Variants in SLC38A6 observed in about 807,000 individuals in gnomAD.
SLC38A6 encodes the protein solute carrier family 38 member 6.
In SLC38A6, 73 loss-of-function variants were observed where a neutral mutation model predicts 65.0. That is an observed-to-expected ratio of 1.12 (90% CI 0.93 to 1.37). The LOEUF (loss-of-function observed/expected upper bound fraction) is 1.37. Among genes scored for constraint, SLC38A6 ranks in the 40% most tolerant of loss-of-function variants. The pLI is 0.00. For synonymous variants in SLC38A6, 183 were observed against 178.8 expected, an observed-to-expected ratio of 1.02 and a Z score of -0.19; for missense variants, 561 against 531.1, an observed-to-expected ratio of 1.06 and a Z score of -0.55.
intron 3 of SLC38A6, among the ~76,000 whole-genome samples, chr14:60,995,150 T>G (rs1410522111): frequency 6.6e-6 from 1 of 152,090 alleles, no homozygotes; most frequent in East Asian, 1.9e-4. Flanking sequence ...GGAAATGAAA[T>G]TGGTACCTTG....
chr14:61,012,017 CT>C (rs548465690), intron 3 of SLC38A6, among the ~76,000 whole-genome samples: 1 of 152,114 alleles, frequency 6.6e-6, no homozygotes, highest in South Asian at 2.1e-4. Flanking sequence ...TGGTCCTGGA[CT>C]TTTTTTGGTT....
intron 3 of SLC38A6, among the ~76,000 whole-genome samples, chr14:60,995,003 C>CAAAAAAAAAAAAAAAAAAA: frequency 1.4e-5 from 1 of 73,162 alleles, no homozygotes; most frequent in Non-Finnish European, 2.9e-5. Context: ...GACTCCATCT[C>CAAAAAAAAAAAAAAAAAAA]AAAAAAAAAA....
intron 5 of SLC38A6, among the ~76,000 whole-genome samples, chr14:61,030,236 T>C (rs1382050095): frequency 6.6e-6 from 1 of 151,182 alleles, no homozygotes; most frequent in Non-Finnish European, 1.5e-5. Context: ...AACTTAACAA[T>C]TGTTATTCTT....
intron 6 of SLC38A6, among the ~76,000 whole-genome samples, chr14:61,032,526 CAT>C (rs982917914): frequency 2.0e-5 from 3 of 151,794 alleles, no homozygotes; most frequent in Admixed American, 6.6e-5. Flanking sequence ...GTTATTTTTA[CAT>C]GTTAGAAATA....
At chr14:61,046,280 C>G (rs890055102) in intron 12 of SLC38A6, 113 bp downstream of exon 12, 1 of 661,468 alleles carries the variant, frequency 1.5e-6, no homozygotes, top group Non-Finnish European at 2.6e-6. Flanking sequence ...GCTCAGATCA[C>G]CAAATTACAA....
chr14:61,082,967 G>A (rs755607751), intron 16 of SLC38A6, among the ~76,000 whole-genome samples: 7 of 152,140 alleles, frequency 4.6e-5, no homozygotes, highest in South Asian at 2.1e-4. Context: ...GAACATATCC[G>A]GGAATAATTG....
intron 3 of SLC38A6, among the ~76,000 whole-genome samples, chr14:61,012,060 A>C (rs191929003): frequency 0.013 from 1,920 of 152,126 alleles, 32 homozygotes; most frequent in Non-Finnish European, 0.015. Context: ...TCAATTTCAG[A>C]GCCTGTTATT....
At chr14:61,078,086 G>A (rs2043490031) in intron 15 of SLC38A6, among the ~76,000 whole-genome samples, 6 of 152,172 alleles carry the variant, frequency 3.9e-5, no homozygotes, top group Admixed American at 2.0e-4. Flanking sequence ...TACCTGGGAC[G>A]GTAATACCCT....
chr14:61,019,459 A>T, intron 4 of SLC38A6, 82 bp from the exon 5 acceptor site: 1 of 1,414,024 alleles, frequency 7.1e-7, no homozygotes, highest in Non-Finnish European at 9.8e-7. Context: ...TTTTTTAGTA[A>T]TAGTTACTGG....
At chr14:61,076,580 T>C (rs1457984274) in intron 15 of SLC38A6, among the ~76,000 whole-genome samples, 1 of 152,250 alleles carries the variant, frequency 6.6e-6, no homozygotes, top group East Asian at 1.9e-4. Flanking sequence ...TTAATTACCA[T>C]GTAAATAAAG....
chr14:60,984,922 G>A (rs1268556430), intron 3 of SLC38A6, 119 bp downstream of exon 3: 3 of 959,456 alleles, frequency 3.1e-6, no homozygotes, highest in Non-Finnish European at 4.8e-6. Context: ...ATTAGATAGG[G>A]TGATCGGAAT....
chr14:61,028,813 T>TA (rs571815820), intron 5 of SLC38A6, among the ~76,000 whole-genome samples: 8 of 152,040 alleles, frequency 5.3e-5, no homozygotes, highest in Non-Finnish European at 7.4e-5. Context: ...GTTATTTTAC[T>TA]AAAAAAAATT....
intron 16 of SLC38A6, among the ~76,000 whole-genome samples, chr14:61,080,880 C>T (rs1236992465): frequency 4.6e-5 from 7 of 152,196 alleles, no homozygotes; most frequent in African/African-American, 1.7e-4. Flanking sequence ...ATTTAAGGCT[C>T]ATTTACACAT....
rs758459482 is a variant in SLC38A6, at chr14:61,046,168, G to A, written c.925+1G>A. 2 of 1,558,950 alleles carry A rather than the reference G, an allele frequency of 1.3e-6. No individual in the cohort carries two copies. The highest frequency in any genetic ancestry group is 1.7e-5 in the Admixed American group (1 of 59,058). On this transcript the variant is annotated splice_donor_variant, in intron 12 of 15. Transcript: ENST00000267488. LOFTEE classifies it high-confidence loss of function. ...CTCTTTGGGTACCTCACTTTTTATG[G>A]TAAGTACATTTTAAAATTATAGATG...
At chr14:61,022,016 C>T (rs1032213133) in intron 5 of SLC38A6, among the ~76,000 whole-genome samples, 9 of 152,148 alleles carry the variant, frequency 5.9e-5, no homozygotes, top group African/African-American at 1.7e-4. Flanking sequence ...CTTCAGTTCC[C>T]TCTTTGTTAA....
chr14:61,080,843 C>T (rs967156738), intron 16 of SLC38A6, among the ~76,000 whole-genome samples: 4 of 152,142 alleles, frequency 2.6e-5, no homozygotes, highest in Non-Finnish European at 5.9e-5. Flanking sequence ...CCAGGAGACG[C>T]CAGACAGCTC....
intron 8 of SLC38A6, among the ~76,000 whole-genome samples, chr14:61,042,468 G>C (rs2041870811): frequency 6.6e-6 from 1 of 152,180 alleles, no homozygotes; most frequent in African/African-American, 2.4e-5. Context: ...TCTGATAACA[G>C]GATGGCCACA....
chr14:61,005,221 TATC>T (rs1382469541), intron 3 of SLC38A6, among the ~76,000 whole-genome samples: 2 of 151,830 alleles, frequency 1.3e-5, no homozygotes, highest in African/African-American at 4.8e-5. Context: ...CCACAGCCAA[TATC>T]ATACTGAATG....
intron 7 of SLC38A6, 94 bp from the exon 8 acceptor site, chr14:61,037,531 T>C: frequency 1.2e-6 from 1 of 834,670 alleles, no homozygotes; most frequent in African/African-American, 1.7e-5. Flanking sequence ...TACCAACCAC[T>C]ATAATAGAAA....
Sources: gnomAD v4.1 joint callset for allele counts (sites outside exome capture counted in the v4.1 genomes callset) on GRCh38, gnomAD v4.1.1 for gene constraint, MANE v1.5 for transcripts, NCBI Gene and HGNC (gene_info 2026-07-23, HGNC 2026-07-21) for gene names.